Variants in STXBP5L observed in about 807,000 individuals in gnomAD.
STXBP5L encodes the protein syntaxin binding protein 5L, also known as syntaxin-binding protein 5-like.
STXBP5L carries 65 observed loss-of-function variants against 144.5 expected under a neutral mutation model. The observed-to-expected ratio is 0.45, with a 90% CI of 0.37 to 0.55. The LOEUF (loss-of-function observed/expected upper bound fraction) is 0.55. Ranked by LOEUF, STXBP5L falls within the 20% of genes least tolerant of loss-of-function variation. The pLI, the probability that STXBP5L is intolerant of heterozygous loss-of-function variation, is 0.00. For synonymous variants in STXBP5L, 505 were observed against 469.6 expected, an observed-to-expected ratio of 1.08 and a Z score of -0.97; for missense variants, 1,298 against 1,405.5, an observed-to-expected ratio of 0.92 and a Z score of 1.22.
chr3:121,254,972 T>G lies in STXBP5L; in HGVS notation c.1519T>G (p.Cys507Gly). 1 of 1,613,572 alleles carries G rather than the reference T, an allele frequency of 6.2e-7. No homozygotes were observed. Among genetic ancestry groups the G allele is most frequent in the African/African-American group, 1.3e-5 (1 of 75,040 alleles). ...GAAGGTAGGAGAAGGAAAACAAACA[T>G]GTGAAATTGTAGAGGAAGACCCATT... ...KQKVGEGKQTCEIVEEDPFAI... is the reference protein window; with the variant it reads ...KQKVGEGKQTGEIVEEDPFAI... The change falls in exon 16 of 27, where the codon TGT becomes GGT. Residue 507 changes from cysteine (C) to glycine (G), a missense_variant. By Grantham distance (159) the Cys-to-Gly change is radical. Transcript: ENST00000471454.
At chr3:120,983,885 A>G (rs949474932) in intron 3 of STXBP5L, among the ~76,000 whole-genome samples, 2 of 152,006 alleles carry the variant, frequency 1.3e-5, no homozygotes, top group African/African-American at 4.8e-5. Context: ...TGATATTTTG[A>G]TTTTTCTTAA....
At chr3:121,081,547 T>C (rs2042248431) in intron 5 of STXBP5L, among the ~76,000 whole-genome samples, 1 of 152,212 alleles carries the variant, frequency 6.6e-6, no homozygotes, top group South Asian at 2.1e-4. Context: ...TATGGGCAAG[T>C]TTACTGTCTC....
At chr3:120,954,350 A>G (rs575830936) in intron 2 of STXBP5L, among the ~76,000 whole-genome samples, 84 of 152,226 alleles carry the variant, frequency 5.5e-4, no homozygotes, top group Middle Eastern at 3.4e-3. Flanking sequence ...ATCTTTACTC[A>G]AAAAAGTTTC....
Position 121,354,263 on chromosome 3 carries a change from C to T in STXBP5L, c.2177-24453C>T, listed in dbSNP as rs544848743. Among the ~76,000 whole-genome samples the T allele has an allele frequency of 3.3e-5, 5 of 152,178 alleles. No homozygotes were observed. In the East Asian group the frequency reaches 9.7e-4, roughly 29 times the overall value. On this transcript the variant is annotated intron_variant, in intron 20 of 26. Transcript: ENST00000471454. ...TTAACCTTCTGTCTCATTGATCTGC[C>T]TAATATTGACAGTGGGGTGTTAAAG...
At position 121,069,426 on chromosome 3, in the gene STXBP5L, C is replaced by G. The variant is rs1446658959; in HGVS notation, c.470+23891C>G. Among the ~76,000 whole-genome samples, 4 of 151,644 alleles carry G rather than the reference C, an allele frequency of 2.6e-5. No individual in the cohort carries two copies. In the East Asian group the frequency reaches 5.9e-4, roughly 22 times the overall value. On this transcript the variant is annotated intron_variant, in intron 5 of 26. Transcript: ENST00000471454. ...ATATCTAGATTGTTTCCATTGTGAA[C>G]TTATTACAAGTAAAGCTGCTATGAT...
chr3:121,028,408 C>T (rs935162193), intron 3 of STXBP5L, among the ~76,000 whole-genome samples: 68 of 151,896 alleles, frequency 4.5e-4, no homozygotes, highest in Middle Eastern at 3.2e-3. Context: ...ACTAGAATAT[C>T]CTCAAAAACT....
intron 10 of STXBP5L, among the ~76,000 whole-genome samples, chr3:121,221,702 C>G (rs1201271398): frequency 1.3e-5 from 2 of 151,462 alleles, no homozygotes; most frequent in East Asian, 3.9e-4. Context: ...TGGTCATTTA[C>G]CATATCAAAT....
At chr3:121,182,560 C>CA (rs2047201551) in intron 9 of STXBP5L, among the ~76,000 whole-genome samples, 1 of 151,924 alleles carries the variant, frequency 6.6e-6, no homozygotes, top group African/African-American at 2.4e-5. Context: ...ATGCCTACAT[C>CA]AAAAAGTCTG....
intron 18 of STXBP5L, among the ~76,000 whole-genome samples, chr3:121,277,900 T>C (rs980451359): frequency 6.6e-6 from 1 of 152,060 alleles, no homozygotes; most frequent in African/African-American, 2.4e-5. Flanking sequence ...TTGTGTGAGC[T>C]CTGGGAATTG....
intron 15 of STXBP5L, among the ~76,000 whole-genome samples, chr3:121,253,694 T>A (rs1401082222): frequency 1.3e-5 from 2 of 150,454 alleles, no homozygotes; most frequent in African/African-American, 2.4e-5. Flanking sequence ...AGTGGCGCAG[T>A]CTCGGCTCAC....
intron 3 of STXBP5L, among the ~76,000 whole-genome samples, chr3:120,973,001 C>G (rs1317473307): frequency 6.6e-6 from 1 of 151,978 alleles, no homozygotes; most frequent in East Asian, 1.9e-4. Flanking sequence ...TTTTGCAACT[C>G]TGTTCATCAG....
chr3:121,367,852 G>A (rs373337714), intron 20 of STXBP5L, among the ~76,000 whole-genome samples: 25 of 128,064 alleles, frequency 2.0e-4, no homozygotes, highest in South Asian at 7.8e-4. Context: ...CTCAAACTCC[G>A]GAACTCAAGC....
intron 22 of STXBP5L, among the ~76,000 whole-genome samples, chr3:121,403,478 A>G (rs1042715933): frequency 6.6e-6 from 1 of 152,142 alleles, no homozygotes; most frequent in African/African-American, 2.4e-5. Flanking sequence ...TTCCTTTATA[A>G]TAAATGTTTT....
intron 3 of STXBP5L, among the ~76,000 whole-genome samples, chr3:120,970,052 A>T (rs1940060597): frequency 6.6e-6 from 1 of 152,106 alleles, no homozygotes; most frequent in Non-Finnish European, 1.5e-5. Context: ...GAAGAAAAGT[A>T]TTATAAGAAA....
chr3:121,017,677 G>C (rs183736169), intron 3 of STXBP5L, among the ~76,000 whole-genome samples: 1 of 152,112 alleles, frequency 6.6e-6, no homozygotes, highest in Non-Finnish European at 1.5e-5. Flanking sequence ...ATTTACATTG[G>C]CATCTAAAAT....
At chr3:120,977,779 T>G (rs1485687570) in intron 3 of STXBP5L, among the ~76,000 whole-genome samples, 1 of 152,150 alleles carries the variant, frequency 6.6e-6, no homozygotes, top group African/African-American at 2.4e-5. Context: ...GTCTGTGAAG[T>G]ATTTTATTTC....
chr3:120,998,065 C>A (rs1302647743), intron 3 of STXBP5L, among the ~76,000 whole-genome samples: 3 of 152,122 alleles, frequency 2.0e-5, no homozygotes, highest in Non-Finnish European at 4.4e-5. Flanking sequence ...ACAAACAAAG[C>A]ATTGAAGGAA....
chr3:121,221,508 C>A (rs1033172713), intron 10 of STXBP5L, among the ~76,000 whole-genome samples: 2 of 151,626 alleles, frequency 1.3e-5, no homozygotes, highest in African/African-American at 4.8e-5. Context: ...AAAGATACTA[C>A]ATTCTCTTAA....
intron 14 of STXBP5L, among the ~76,000 whole-genome samples, chr3:121,250,449 G>A (rs1243000740): frequency 6.6e-6 from 1 of 151,828 alleles, no homozygotes; most frequent in Admixed American, 6.6e-5. Flanking sequence ...CTTTCCACAG[G>A]CCATTTTTCA....
Sources: gnomAD v4.1 joint callset for allele counts (sites outside exome capture counted in the v4.1 genomes callset) on GRCh38, gnomAD v4.1.1 for gene constraint, MANE v1.5 for transcripts, NCBI Gene and HGNC (gene_info 2026-07-23, HGNC 2026-07-21) for gene names.